MYO6: variants seen among roughly 807,000 people sequenced by gnomAD.
MYO6 encodes the protein unconventional myosin-VI.
Under a neutral mutation model 178.7 loss-of-function variants are expected in MYO6, and 74 were observed. The ratio of observed to expected loss-of-function variants is 0.41; its 90% confidence interval spans 0.34 to 0.50. The LOEUF is 0.50. MYO6 is among the 20% of genes least tolerant of loss of function. The probability of loss-of-function intolerance (pLI) is 0.09; values close to 1 mark genes in which losing one functional copy is unlikely to be tolerated. For missense variants in MYO6, 1,330 were observed against 1,547.4 expected (o/e 0.86, Z 2.36); for synonymous variants, 477 against 504.6 (o/e 0.95, Z 0.73).
intron 1 of MYO6, among the ~76,000 whole-genome samples, chr6:75,755,534 T>C (rs896450927): frequency 5.3e-5 from 8 of 152,178 alleles, no homozygotes; most frequent in Non-Finnish European, 1.2e-4. Flanking sequence ...TAGACTGAAA[T>C]TGGTAATTAG....
chr6:75,908,772 G>A, intron 32 of MYO6, 145 bp downstream of exon 32: 1 of 764,684 alleles, frequency 1.3e-6, no homozygotes, highest in Non-Finnish European at 2.2e-6. Context: ...CAGCCTTGAT[G>A]GCCTATCTTT....
At chr6:75,793,934 C>T (rs1768513924) in intron 1 of MYO6, among the ~76,000 whole-genome samples, 1 of 152,126 alleles carries the variant, frequency 6.6e-6, no homozygotes, top group African/African-American at 2.4e-5. Context: ...TGGTTAGCTA[C>T]TTAGTGACTT....
intron 11 of MYO6, among the ~76,000 whole-genome samples, chr6:75,851,842 A>C (rs991301432): frequency 6.6e-6 from 1 of 152,050 alleles, no homozygotes; most frequent in African/African-American, 2.4e-5. Context: ...GTCTCCAAAA[A>C]AATTTGGTAT....
Position 75,901,966 on chromosome 6 carries a change from G to C in MYO6, c.3176+3555G>C, listed in dbSNP as rs6919021. Among the ~76,000 whole-genome samples, 614 of 152,274 alleles carry C rather than the reference G, an allele frequency of 4.0e-3. 6 individuals are homozygous for C. The highest frequency in any genetic ancestry group is 0.014 in the African/African-American group (589 of 41,556). On this transcript the variant is annotated intron_variant, in intron 30 of 34. Coordinates refer to ENST00000369977, the MANE Select transcript of MYO6 (RefSeq NM_004999.4). ...TTGAATTTTGTCAAAAGCCTTTTCT[G>C]CATCTATTGAGATAATCATGTGGTT...
chr6:75,886,908 A>C lies in MYO6; in HGVS notation c.2572A>C (p.Ser858Arg), dbSNP rs1475113506. The C allele has an allele frequency of 6.2e-7, 1 of 1,613,744 alleles. No homozygotes were observed. The highest frequency in any genetic ancestry group is 8.5e-7 in the Non-Finnish European group (1 of 1,179,760). ...KRLDKFNEVV[S>R]VLKDGKPEMN... ...ACTTGATAAATTTAATGAGGTAGTCAGTGTGTTGAAAGATGGAAAACCCGA... is the reference window on the plus strand; with the variant it reads ...ACTTGATAAATTTAATGAGGTAGTCCGTGTGTTGAAAGATGGAAAACCCGA... Residue 858 changes from serine to arginine, a missense_variant, in exon 25 of 35, where the codon AGT becomes CGT. Coordinates refer to ENST00000369977, the MANE Select transcript of MYO6 (RefSeq NM_004999.4).
chr6:75,868,447 A>G (rs1230994151), intron 18 of MYO6, among the ~76,000 whole-genome samples: 1 of 152,076 alleles, frequency 6.6e-6, no homozygotes, highest in Non-Finnish European at 1.5e-5. Flanking sequence ...TGCTGATAAG[A>G]GCATACTTGA....
Position 75,916,095 on chromosome 6 carries a change from T to A in MYO6, c.*1083T>A, listed in dbSNP as rs1452000060. Reference sequence around the variant, plus strand: ...TTTCTTTGTGTGCTGTTAGTATTGATTCAAATGTCAGCAGCTTTAAGCCTA... The same window carrying A: ...TTTCTTTGTGTGCTGTTAGTATTGAATCAAATGTCAGCAGCTTTAAGCCTA... On this transcript the variant is annotated 3_prime_UTR_variant, in exon 35 of 35. Coordinates refer to ENST00000369977, the MANE Select transcript of MYO6 (RefSeq NM_004999.4). 1.3e-5 allele frequency: 2 copies of A among 152,202 alleles called. No individual in the cohort carries two copies. Among genetic ancestry groups the A allele is most frequent in the Non-Finnish European group, 2.9e-5 (2 of 68,030 alleles). The allele number at this position is 152,202 out of a possible 1,614,324, so 9.4% of individuals were successfully genotyped here.
chr6:75,770,545 T>C (rs1282967374), intron 1 of MYO6, among the ~76,000 whole-genome samples: 1 of 151,964 alleles, frequency 6.6e-6, no homozygotes, highest in East Asian at 1.9e-4. Flanking sequence ...GGCATGATCT[T>C]GGCTTATTGC....
At chr6:75,807,315 T>G (rs1770201278) in intron 1 of MYO6, among the ~76,000 whole-genome samples, 1 of 152,220 alleles carries the variant, frequency 6.6e-6, no homozygotes, top group Non-Finnish European at 1.5e-5. Flanking sequence ...GGTGTCTCTG[T>G]GTGTCTGTTT....
At chr6:75,791,704 A>G (rs1768267485) in intron 1 of MYO6, among the ~76,000 whole-genome samples, 1 of 152,248 alleles carries the variant, frequency 6.6e-6, no homozygotes. Flanking sequence ...CTTGTGAAGC[A>G]GAAGCATTTG....
intron 14 of MYO6, among the ~76,000 whole-genome samples, chr6:75,859,883 C>T (rs1776058334): frequency 1.3e-5 from 2 of 152,124 alleles, no homozygotes; most frequent in African/African-American, 4.8e-5. Context: ...TGGTCTTGAA[C>T]TTCTGACCTC....
In MYO6 at chr6:75,862,707, A is replaced by G. The variant is rs376562219; in HGVS notation, c.1658A>G (p.Asp553Gly). 1 of 1,614,120 alleles carries G rather than the reference A, an allele frequency of 6.2e-7. No homozygotes were observed. The highest frequency in any genetic ancestry group is 8.5e-7 in the Non-Finnish European group (1 of 1,179,996). The change falls in exon 16 of 35, where the codon GAT (aspartate) becomes GGT (glycine). Residue 553 changes from aspartate to glycine, a missense_variant. Around this residue, in one of 3 missense-constraint regions of MYO6, gnomAD observed 613 missense variants for 816.8 expected, o/e 0.75. Transcript: ENST00000369977. ...FTSAVHQKHK[D>G]HFRLTIPRKS... ...TCTGCAGTTCACCAAAAGCACAAGG[A>G]TCATTTTCGACTCACTGTGAGTTTT...
intron 22 of MYO6, 66 bp downstream of exon 22, chr6:75,880,186 T>C (rs1177614980): frequency 8.0e-6 from 9 of 1,132,006 alleles, no homozygotes; most frequent in Non-Finnish European, 1.0e-5. Context: ...TTAGTGAATA[T>C]CTTAAAGTAT....
At chr6:75,775,161 G>A (rs1397322709) in intron 1 of MYO6, among the ~76,000 whole-genome samples, 1 of 152,170 alleles carries the variant, frequency 6.6e-6, no homozygotes, top group African/African-American at 2.4e-5. Context: ...AGAAGGTGCC[G>A]TTTTTGCAGT....
At chr6:75,817,444 T>A (rs1771389854) in intron 1 of MYO6, 57 bp from the exon 2 acceptor site, 2 of 920,128 alleles carry the variant, frequency 2.2e-6, no homozygotes, top group African/African-American at 1.6e-5. Context: ...ATACATTATT[T>A]GTTTTATATA....
intron 1 of MYO6, among the ~76,000 whole-genome samples, chr6:75,811,836 G>A (rs1431312188): frequency 6.6e-6 from 1 of 152,120 alleles, no homozygotes. Context: ...TCTTTTGGGT[G>A]CCAGTAGAAC....
chr6:75,864,541 T>C (rs1776483071), intron 16 of MYO6, among the ~76,000 whole-genome samples: 1 of 152,210 alleles, frequency 6.6e-6, no homozygotes, highest in South Asian at 2.1e-4. Flanking sequence ...CTCGCTGGTC[T>C]TTGTTATGAC....
intron 24 of MYO6, 141 bp from the exon 25 acceptor site, chr6:75,886,703 T>C: frequency 1.2e-6 from 1 of 821,830 alleles, no homozygotes; most frequent in Non-Finnish European, 1.9e-6. Flanking sequence ...TTTTTAGCCT[T>C]CAACAAGAGA....
intron 30 of MYO6, among the ~76,000 whole-genome samples, chr6:75,899,558 C>A (rs1433504600): frequency 6.6e-6 from 1 of 151,974 alleles, no homozygotes; most frequent in Admixed American, 6.6e-5. Context: ...CACAGCTGGC[C>A]ATTTTTGAGC....
Sources: allele counts gnomAD v4.1 joint callset (sites outside exome capture counted in the v4.1 genomes callset), GRCh38; gene constraint gnomAD v4.1.1; regional missense constraint gnomAD v4.1.1; transcripts MANE v1.5; gene names NCBI Gene and HGNC (gene_info 2026-07-23, HGNC 2026-07-21).